The following MAP4 variants were observed in gnomAD, a reference collection of about 807,000 sequenced individuals.
MAP4 encodes microtubule-associated protein 4.
A neutral mutation model predicts 170.2 loss-of-function variants in MAP4; 76 were observed. That is an observed-to-expected ratio of 0.45 (90% CI 0.37 to 0.54). The LOEUF (loss-of-function observed/expected upper bound fraction) is 0.54. MAP4 is among the 20% of genes least tolerant of loss of function. The pLI is 0.00. For missense variants in MAP4, 2,506 were observed against 2,748.0 expected, an observed-to-expected ratio of 0.91 and a Z score of 1.97; for synonymous variants, 909 against 994.5, an observed-to-expected ratio of 0.91 and a Z score of 1.62.
chr3:48,019,976 G>A (rs749019268), upstream of MAP4, among the ~76,000 whole-genome samples: 1 of 152,198 alleles, frequency 6.6e-6, no homozygotes, highest in African/African-American at 2.4e-5. Flanking sequence ...GAAGGTAGAA[G>A]AGGACATAGG....
At chr3:47,948,055 T>C (rs2100061277) in intron 3 of MAP4, among the ~76,000 whole-genome samples, 1 of 150,210 alleles carries the variant, frequency 6.7e-6, no homozygotes, top group Non-Finnish European at 1.5e-5. Context: ...TGGAGTGCAG[T>C]GGCACAATCT....
At chr3:47,888,206 C>T (rs146412846) in intron 10 of MAP4, among the ~76,000 whole-genome samples, 2,558 of 152,250 alleles carry the variant, frequency 0.017, 63 homozygotes, top group African/African-American at 0.049. Flanking sequence ...ACAGGCCACT[C>T]GGCTCTACCA....
chr3:47,856,714 A>G (rs537180548), intron 18 of MAP4, among the ~76,000 whole-genome samples: 1 of 152,318 alleles, frequency 6.6e-6, no homozygotes, highest in South Asian at 2.1e-4. Context: ...GGCATGAGAC[A>G]CCGCGCCCGC....
chr3:47,974,599 C>T, intron 3 of MAP4: 1 of 963,392 alleles, frequency 1.0e-6, no homozygotes, highest in Non-Finnish European at 1.2e-6. Flanking sequence ...GATTTCAAAA[C>T]ATGGTCCATG....
intron 11 of MAP4, 121 bp downstream of exon 11, chr3:47,877,296 T>A (rs1328630475): frequency 2.7e-6 from 2 of 731,154 alleles, no homozygotes; most frequent in Non-Finnish European, 4.7e-6. Flanking sequence ...TGTCCAAACA[T>A]GAGGAAGGAC....
intron 1 of MAP4, among the ~76,000 whole-genome samples, chr3:48,073,947 C>T (rs909599189): frequency 1.3e-5 from 2 of 152,084 alleles, no homozygotes; most frequent in African/African-American, 4.8e-5. Context: ...CCCAGCGATC[C>T]CATTACTGGG....
intron 9 of MAP4, 39 bp downstream of exon 9, chr3:47,908,999 A>G (rs778484641): frequency 1.9e-6 from 3 of 1,571,476 alleles, no homozygotes; most frequent in Non-Finnish European, 2.6e-6. Flanking sequence ...CTGACTCAAA[A>G]GCCACAAGCA....
intron 1 of MAP4, among the ~76,000 whole-genome samples, chr3:48,033,846 G>C (rs1279466064): frequency 6.6e-6 from 1 of 152,014 alleles, no homozygotes; most frequent in Non-Finnish European, 1.5e-5. Flanking sequence ...TAGGTGATCT[G>C]CCCGCCTCAA....
At chr3:48,081,499 A>G (rs1189253411) in intron 1 of MAP4, among the ~76,000 whole-genome samples, 4 of 152,032 alleles carry the variant, frequency 2.6e-5, no homozygotes, top group Non-Finnish European at 5.9e-5. Context: ...ACTTTATATG[A>G]CAATTAAGAC....
Position 47,910,885 on chromosome 3 carries a change from A to C in MAP4, c.3536T>G (p.Val1179Gly), listed in dbSNP as rs925554074. The change falls in exon 9 of 21, where the codon GTA becomes GGA. Residue 1179 changes from valine to glycine, a missense_variant. By Grantham distance (109) the Val-to-Gly change is moderately radical. Transcript: ENST00000683076. ...TSGVSTETGD[V>G]VKDMGVNNQS... ...GTTATTGACACCCATATCTTTGACT[A>C]CATCTCCTGTTTCTGTGCTAACACC... The C allele has an allele frequency of 6.5e-7, 1 of 1,536,132 alleles. No homozygotes were observed. The highest frequency in any genetic ancestry group is 2.0e-5 in the Admixed American group (1 of 50,998).
rs563044396 is a variant in MAP4 at position 47,909,257 on chromosome 3, G to A, written c.5164C>T (p.Arg1722Ter). The change falls in exon 9 of 21, where the codon CGA (arginine) becomes TGA (stop). Residue 1722 changes from arginine to a stop codon, truncating the protein, a stop_gained. Transcript: ENST00000683076. LOFTEE classifies it high-confidence loss of function. ...LVIMTASKGV[R>*]LPEPKDKILE... Reference sequence around the variant, plus strand: ...ATCTTATCTTTGGGTTCTGGGAGTCGAACACCCTTGGAAGCAGTCATTATT... The same window carrying A: ...ATCTTATCTTTGGGTTCTGGGAGTCAAACACCCTTGGAAGCAGTCATTATT... 4.3e-6 allele frequency: 7 copies of A among 1,613,700 alleles called. No homozygotes were observed. Among genetic ancestry groups the A allele is most frequent in the East Asian group, 2.2e-5 (1 of 44,876 alleles).
chr3:47,855,100 G>A lies in MAP4; in HGVS notation c.6696+148C>T, dbSNP rs578218529. On this transcript the variant is annotated intron_variant, in intron 19 of 20. Transcript: ENST00000683076. This position sits in a 1 kb window ranked among gnomAD's most constrained non-coding sequence, Gnocchi z 5.1. ...GCCTCAGTCAGGACTGATGATACACGGTGGGAAAACGGCAATGGTGTGGGT... is the reference window on the plus strand; with the variant it reads ...GCCTCAGTCAGGACTGATGATACACAGTGGGAAAACGGCAATGGTGTGGGT... 17 of 624,592 alleles carry A rather than the reference G, an allele frequency of 2.7e-5. No individual in the cohort carries two copies. The highest frequency in any genetic ancestry group is 3.6e-5 in the South Asian group (2 of 54,910). The allele number at this position is 624,592 out of a possible 1,614,324, so 38.7% of individuals were successfully genotyped here. A position where few individuals can be genotyped will look rare whatever the true frequency, so the allele number is the denominator to read the frequency against.
intron 1 of MAP4, among the ~76,000 whole-genome samples, chr3:48,033,088 A>G (rs1355397582): frequency 6.6e-6 from 1 of 152,222 alleles, no homozygotes; most frequent in Non-Finnish European, 1.5e-5. Flanking sequence ...GTCCAAGGAG[A>G]TTAACAAATA....
intron 1 of MAP4, among the ~76,000 whole-genome samples, chr3:48,031,235 G>A (rs1255749444): frequency 6.6e-6 from 1 of 152,042 alleles, no homozygotes; most frequent in Non-Finnish European, 1.5e-5. Flanking sequence ...AAGCAACATG[G>A]CGAAACCCCA....
chr3:48,076,986 TG>T lies in MAP4; in HGVS notation c.-20+11786del, dbSNP rs1313448467. Among the ~76,000 whole-genome samples, 26 of 150,934 alleles carry T rather than the reference TG, an allele frequency of 1.7e-4. No homozygotes were observed. The South Asian group carries it at 4.4e-3, about 26-fold the overall frequency. On this transcript the variant is annotated intron_variant, in intron 1 of 18. Coordinates refer to the MAP4 transcript ENST00000360240. ...AGGAGACCCCATCTCTAATTAAAAT[TG>T]TTTTTTTTAATTATCCAGGTGTGGT...
intron 2 of MAP4, among the ~76,000 whole-genome samples, chr3:47,991,631 C>G (rs1037790454): frequency 6.6e-5 from 10 of 152,018 alleles, no homozygotes; most frequent in African/African-American, 2.4e-4. Flanking sequence ...TGTGCCACTG[C>G]ACTCCAGCCT....
chr3:48,007,838 A>T (rs1351361789), intron 1 of MAP4, among the ~76,000 whole-genome samples: 1 of 152,026 alleles, frequency 6.6e-6, no homozygotes, highest in East Asian at 1.9e-4. Context: ...ACATCCAGCT[A>T]ATTTTTGTAT....
chr3:47,905,954 A>G (rs1326257484), intron 9 of MAP4, among the ~76,000 whole-genome samples: 1 of 152,110 alleles, frequency 6.6e-6, no homozygotes, highest in Non-Finnish European at 1.5e-5. Flanking sequence ...AGATCGTGCC[A>G]TTGCACTCCA....
At chr3:47,952,703 T>G (rs561893772) in intron 3 of MAP4, among the ~76,000 whole-genome samples, 42 of 151,766 alleles carry the variant, frequency 2.8e-4, no homozygotes, top group Non-Finnish European at 4.4e-4. Flanking sequence ...ATTGGTCAGA[T>G]CGCGAGATCA....
Sources: allele counts gnomAD v4.1 joint callset (sites outside exome capture counted in the v4.1 genomes callset), GRCh38; gene constraint gnomAD v4.1.1; non-coding constraint Gnocchi (gnomAD v3.1); transcripts MANE v1.5; gene names NCBI Gene and HGNC (gene_info 2026-07-23, HGNC 2026-07-21).